Variants in LRP1B observed in about 807,000 individuals in gnomAD.
LRP1B encodes the protein LDL receptor related protein 1B, also known as low-density lipoprotein receptor-related protein 1B.
A neutral mutation model predicts 556.6 loss-of-function variants in LRP1B; 217 were observed. That is an observed-to-expected ratio of 0.39 (90% confidence interval 0.35 to 0.44). LRP1B has a LOEUF of 0.44. LRP1B is among the 20% of genes least tolerant of loss of function. LRP1B has a pLI of 1.00. For missense variants in LRP1B, 5,053 were observed against 5,620.8 expected (o/e 0.90, Z 3.23); for synonymous variants, 2,047 against 1,865.8 (o/e 1.10, Z -2.50).
At chr2:140,268,511 T>A (rs1384631875) in intron 86 of LRP1B, among the ~76,000 whole-genome samples, 1 of 152,004 alleles carries the variant, frequency 6.6e-6, no homozygotes, top group Admixed American at 6.6e-5. Flanking sequence ...ATTAGGCACT[T>A]TGAGATTACC....
chr2:141,903,167 A>G (rs1321831496), intron 1 of LRP1B, among the ~76,000 whole-genome samples: 2 of 151,804 alleles, frequency 1.3e-5, no homozygotes, highest in African/African-American at 4.8e-5. Context: ...TACTACTTTA[A>G]TGATACATTT....
intron 3 of LRP1B, among the ~76,000 whole-genome samples, chr2:141,470,867 G>T (rs1341627791): frequency 6.6e-6 from 1 of 152,094 alleles, no homozygotes; most frequent in African/African-American, 2.4e-5. Context: ...CAAAATTTAG[G>T]CATGTTATAA....
At chr2:141,674,167 T>C (rs143056743) in intron 2 of LRP1B, among the ~76,000 whole-genome samples, 1,720 of 152,228 alleles carry the variant, frequency 0.011, 20 homozygotes, top group South Asian at 0.024. Flanking sequence ...TATATGGTTC[T>C]CTAAAATAAA....
chr2:141,966,426 G>A (rs962719152), intron 1 of LRP1B, among the ~76,000 whole-genome samples: 1 of 151,892 alleles, frequency 6.6e-6, no homozygotes, highest in African/African-American at 2.4e-5. Context: ...GAAACACCTG[G>A]TTCAGAAAAG....
intron 1 of LRP1B, among the ~76,000 whole-genome samples, chr2:142,041,427 T>A (rs1704061229): frequency 6.6e-6 from 1 of 151,418 alleles, no homozygotes; most frequent in Admixed American, 6.6e-5. Context: ...ATGTAGAAAG[T>A]GTATACATGA....
chr2:140,489,680 A>C (rs2105369528), intron 57 of LRP1B, among the ~76,000 whole-genome samples: 1 of 152,176 alleles, frequency 6.6e-6, no homozygotes, highest in South Asian at 2.1e-4. Flanking sequence ...TTTTCTCTCC[A>C]GAGCAATAAT....
At chr2:141,414,143 A>G (rs376623588) in intron 3 of LRP1B, among the ~76,000 whole-genome samples, 187 of 151,256 alleles carry the variant, frequency 1.2e-3, no homozygotes, top group African/African-American at 4.4e-3. Context: ...AGACTGAGGC[A>G]GGAGAATGGC....
chr2:140,949,917 T>G (rs1171352657), intron 20 of LRP1B, among the ~76,000 whole-genome samples: 2 of 67,292 alleles, frequency 3.0e-5, no homozygotes, highest in African/African-American at 1.0e-4. Flanking sequence ...CCAGCCTGGG[T>G]GACAGAGTGA....
chr2:141,758,605 T>C (rs1044106241), intron 2 of LRP1B, among the ~76,000 whole-genome samples: 1 of 152,094 alleles, frequency 6.6e-6, no homozygotes, highest in African/African-American at 2.4e-5. Flanking sequence ...ACAAGGTATG[T>C]ATTTACTTAG....
intron 2 of LRP1B, among the ~76,000 whole-genome samples, chr2:141,650,090 G>A (rs1243472428): frequency 6.6e-6 from 1 of 152,200 alleles, no homozygotes; most frequent in South Asian, 2.1e-4. Context: ...TGAGGCAGGA[G>A]AATTGCCTGA....
At chr2:142,075,870 G>C (rs1478048861) in intron 1 of LRP1B, among the ~76,000 whole-genome samples, 1 of 152,080 alleles carries the variant, frequency 6.6e-6, no homozygotes, top group Non-Finnish European at 1.5e-5. Flanking sequence ...AGAATCAACT[G>C]GTAAGCCCAT....
At chr2:141,794,330 T>C (rs543902563) in intron 2 of LRP1B, among the ~76,000 whole-genome samples, 1 of 152,072 alleles carries the variant, frequency 6.6e-6, no homozygotes, top group East Asian at 1.9e-4. Context: ...TCAAGACAAA[T>C]GCCTCACATT....
At chr2:141,659,750 G>A (rs1391754033) in intron 2 of LRP1B, among the ~76,000 whole-genome samples, 1 of 152,030 alleles carries the variant, frequency 6.6e-6, no homozygotes, top group Admixed American at 6.6e-5. Context: ...GAATAGAAGG[G>A]ATCAATTTAC....
intron 7 of LRP1B, among the ~76,000 whole-genome samples, chr2:141,096,624 G>GAT (rs1700314779): frequency 2.4e-5 from 1 of 42,496 alleles, no homozygotes; most frequent in Non-Finnish European, 5.6e-5. Flanking sequence ...AAGACGGGGA[G>GAT]AGGGGGAGAG....
intron 4 of LRP1B, among the ~76,000 whole-genome samples, chr2:141,254,203 C>T (rs1684375063): frequency 6.6e-6 from 1 of 152,040 alleles, no homozygotes; most frequent in South Asian, 2.1e-4. Flanking sequence ...CACATGTCTA[C>T]TAGACTGCAG....
At chr2:141,909,546 T>A (rs1469415017) in intron 1 of LRP1B, among the ~76,000 whole-genome samples, 2 of 89,376 alleles carry the variant, frequency 2.2e-5, no homozygotes, top group Admixed American at 1.1e-4. Flanking sequence ...TTTTTTTTTT[T>A]TTTTTTTTTT....
At chr2:140,365,589 T>C (rs1380472120) in intron 71 of LRP1B, among the ~76,000 whole-genome samples, 2 of 151,666 alleles carry the variant, frequency 1.3e-5, no homozygotes, top group Non-Finnish European at 3.0e-5. Flanking sequence ...TGGATAACTC[T>C]ATTAATATCT....
At chr2:141,470,821 C>A (rs1488555206) in intron 3 of LRP1B, among the ~76,000 whole-genome samples, 1 of 152,076 alleles carries the variant, frequency 6.6e-6, no homozygotes, top group Non-Finnish European at 1.5e-5. Flanking sequence ...AATATTAAAA[C>A]AATGATATAT....
rs559029498 is a variant in LRP1B, at chr2:140,597,117, T to C, written c.7194+1514A>G. On this transcript the variant is annotated intron_variant, in intron 43 of 90. Coordinates refer to ENST00000389484, the MANE Select transcript of LRP1B (RefSeq NM_018557.3). Reference sequence around the variant, plus strand: ...ATTTGAATTCATATGAGGATAAAGATGAGGTAATCTAGATGCATGTAAGAA... The same window carrying C: ...ATTTGAATTCATATGAGGATAAAGACGAGGTAATCTAGATGCATGTAAGAA... Among the ~76,000 whole-genome samples, 29 of 152,308 alleles carry C rather than the reference T, an allele frequency of 1.9e-4. No individual in the cohort carries two copies. In the South Asian group the frequency reaches 6.0e-3, roughly 32 times the overall value.
Sources: allele counts gnomAD v4.1 joint callset (sites outside exome capture counted in the v4.1 genomes callset), GRCh38; gene constraint gnomAD v4.1.1; transcripts MANE v1.5; gene names NCBI Gene and HGNC (gene_info 2026-07-23, HGNC 2026-07-21).